Variants in MEIKIN observed in about 807,000 individuals in gnomAD.
MEIKIN encodes the protein meiotic kinetochore factor.
intron 6 of MEIKIN, among the ~76,000 whole-genome samples, chr5:131,917,264 CT>C (rs1369590869): frequency 6.6e-6 from 1 of 151,950 alleles, no homozygotes; most frequent in Non-Finnish European, 1.5e-5. Context: ...AAAAAAATAA[CT>C]GGTCAAATTA....
At chr5:131,944,820 CT>C (rs748420923) in intron 2 of MEIKIN, 68 bp from the exon 3 acceptor site, 8 of 398,968 alleles carry the variant, frequency 2.0e-5, no homozygotes, top group Middle Eastern at 6.3e-4. Flanking sequence ...TGTTCAGACT[CT>C]TTAGAATCTG....
At chr5:131,842,679 C>T (rs1357286056) in intron 11 of MEIKIN, among the ~76,000 whole-genome samples, 6 of 151,708 alleles carry the variant, frequency 4.0e-5, no homozygotes, top group African/African-American at 1.2e-4. Context: ...TCTGTGGTTA[C>T]CATAGGGCTC....
intron 8 of MEIKIN, among the ~76,000 whole-genome samples, chr5:131,900,390 A>C (rs1368796609): frequency 6.6e-6 from 1 of 152,184 alleles, no homozygotes; most frequent in Non-Finnish European, 1.5e-5. Context: ...TCCTGGCCCC[A>C]ATGACTCCTG....
chr5:131,842,124 G>A (rs955676706), intron 11 of MEIKIN, among the ~76,000 whole-genome samples: 3 of 151,754 alleles, frequency 2.0e-5, no homozygotes, highest in African/African-American at 4.8e-5. Context: ...ATGCCATCAC[G>A]CCCAACTAAT....
rs183194700 is a variant in MEIKIN at position 131,893,842 on chromosome 5, A to G, written c.704-14794T>C. ...TTCTGTAGGTTGCCTGTTCACTCTG[A>G]TGGTAGTTTCCTTCACTCTGATTGT... On this transcript the variant is annotated intron_variant, in intron 8 of 12. Transcript: ENST00000442687. Among the ~76,000 whole-genome samples the G allele has an allele frequency of 2.5e-3, 383 of 152,208 alleles. 1 individual carries two copies. Among genetic ancestry groups the G allele is most frequent in the African/African-American group, 8.9e-3 (368 of 41,544 alleles).
At chr5:131,840,979 G>A (rs749374885) in intron 11 of MEIKIN, among the ~76,000 whole-genome samples, 1 of 152,140 alleles carries the variant, frequency 6.6e-6, no homozygotes, top group Non-Finnish European at 1.5e-5. Context: ...TTTGTGGGCT[G>A]ATATTCCTTC....
intron 11 of MEIKIN, among the ~76,000 whole-genome samples, chr5:131,850,644 C>T (rs980841667): frequency 5.3e-5 from 8 of 152,074 alleles, no homozygotes; most frequent in Non-Finnish European, 1.2e-4. Context: ...TGAAGCTGGA[C>T]CCTTACCTAA....
intron 2 of MEIKIN, 77 bp from the exon 3 acceptor site, chr5:131,944,829 C>A (rs138945032): frequency 2.5e-6 from 1 of 398,786 alleles, no homozygotes; most frequent in East Asian, 3.6e-5. Context: ...TCTTTAGAAT[C>A]TGAAAGGCTC....
At chr5:131,850,157 T>A (rs981280197) in intron 11 of MEIKIN, among the ~76,000 whole-genome samples, 6 of 151,958 alleles carry the variant, frequency 3.9e-5, no homozygotes, top group Non-Finnish European at 7.4e-5. Flanking sequence ...ATAAAAACTA[T>A]AAAACATTGG....
intron 9 of MEIKIN, among the ~76,000 whole-genome samples, chr5:131,858,483 G>T (rs901960118): frequency 6.6e-6 from 1 of 152,088 alleles, no homozygotes; most frequent in Non-Finnish European, 1.5e-5. Flanking sequence ...AAAAACTCTA[G>T]GAGAAAACCA....
chr5:131,887,213 T>C (rs1003470179), intron 8 of MEIKIN, among the ~76,000 whole-genome samples: 12 of 152,180 alleles, frequency 7.9e-5, no homozygotes, highest in Non-Finnish European at 4.4e-5. Context: ...TGCCACATTT[T>C]CTTAATCCAG....
At chr5:131,905,774 TG>T (rs1217808855) in intron 8 of MEIKIN, among the ~76,000 whole-genome samples, 1 of 151,774 alleles carries the variant, frequency 6.6e-6, no homozygotes, top group African/African-American at 2.4e-5. Flanking sequence ...AAACAAGCAA[TG>T]GGGAAAGGAC....
intron 9 of MEIKIN, 174 bp downstream of exon 9, chr5:131,878,804 G>C: frequency 2.7e-6 from 1 of 366,326 alleles, no homozygotes; most frequent in Non-Finnish European, 4.8e-6. Flanking sequence ...GAGCCCAGAA[G>C]TTCAAGGCTG....
At position 131,925,916 on chromosome 5, in the gene MEIKIN, C is replaced by T. The variant is rs576772057; in HGVS notation, c.479-3975G>A. ...CTCCTGATCTCATGTGATCTGCCCG[C>T]CTTGGCCTCTTAAAGTGCTGGGGTA... On this transcript the variant is annotated intron_variant, in intron 5 of 12. Coordinates refer to ENST00000442687, the MANE Select transcript of MEIKIN (RefSeq NM_001303622.2). Among the ~76,000 whole-genome samples, 193 of 152,280 alleles carry T rather than the reference C, an allele frequency of 1.3e-3. 1 individual carries two copies. Among genetic ancestry groups the T allele is most frequent in the African/African-American group, 4.6e-3 (191 of 41,556 alleles).
intron 9 of MEIKIN, among the ~76,000 whole-genome samples, chr5:131,866,185 C>A (rs757092047): frequency 2.0e-4 from 31 of 152,290 alleles, no homozygotes; most frequent in Non-Finnish European, 4.3e-4. Context: ...ATGGGTTGGG[C>A]AGGCTGGTTT....
At chr5:131,924,708 G>C (rs1751561682) in intron 5 of MEIKIN, among the ~76,000 whole-genome samples, 1 of 151,968 alleles carries the variant, frequency 6.6e-6, no homozygotes, top group Non-Finnish European at 1.5e-5. Flanking sequence ...AGTTATAAGA[G>C]TTCCTTACGC....
intron 4 of MEIKIN, among the ~76,000 whole-genome samples, chr5:131,941,742 A>G (rs146529109): frequency 2.1e-4 from 32 of 152,154 alleles, no homozygotes; most frequent in Admixed American, 2.1e-3. Context: ...TCTTAAATGC[A>G]CTCATAACTT....
intron 10 of MEIKIN, among the ~76,000 whole-genome samples, chr5:131,852,269 T>C (rs143837466): frequency 8.5e-4 from 130 of 152,206 alleles, no homozygotes; most frequent in African/African-American, 3.0e-3. Flanking sequence ...CGAGATCTGA[T>C]GGTTTTATAG....
chr5:131,891,511 T>C (rs892881345), intron 8 of MEIKIN, among the ~76,000 whole-genome samples: 4 of 152,198 alleles, frequency 2.6e-5, no homozygotes, highest in African/African-American at 9.7e-5. Flanking sequence ...TGGTTTAAAG[T>C]CTGTTTTATC....
Sources: gnomAD v4.1 joint callset for allele counts (sites outside exome capture counted in the v4.1 genomes callset) on GRCh38, gnomAD v4.1.1 for gene constraint, MANE v1.5 for transcripts, NCBI Gene and HGNC (gene_info 2026-07-23, HGNC 2026-07-21) for gene names.